Variants in TMED3 observed in about 807,000 individuals in gnomAD.
TMED3 encodes transmembrane emp24 domain-containing protein 3.
TMED3 carries 9 observed loss-of-function variants against 15.0 expected under a neutral mutation model. The observed-to-expected ratio is 0.60, with a 90% CI of 0.36 to 1.04. The LOEUF (loss-of-function observed/expected upper bound fraction) is 1.04. TMED3 is among the 50% of genes least tolerant of loss of function. The pLI, the probability that TMED3 is intolerant of heterozygous loss-of-function variation, is 0.01. For synonymous variants in TMED3, 117 were observed against 121.4 expected (o/e 0.96, Z 0.24); for missense variants, 267 against 278.9 (o/e 0.96, Z 0.30).
chr15:79,340,864 A>G (rs1005598594), intron 2 of TMED3, among the ~76,000 whole-genome samples: 1 of 152,212 alleles, frequency 6.6e-6, no homozygotes, highest in East Asian at 1.9e-4. Flanking sequence ...TACTAGCTTA[A>G]GGTAGAGTGT....
chr15:79,394,053 G>C (rs922090131), intron 2 of TMED3, among the ~76,000 whole-genome samples: 1 of 152,096 alleles, frequency 6.6e-6, no homozygotes, highest in Non-Finnish European at 1.5e-5. Context: ...ATGGATGTAG[G>C]CCTCATTCTG....
intron 2 of TMED3, among the ~76,000 whole-genome samples, chr15:79,363,622 T>C (rs886561783): frequency 6.6e-6 from 1 of 152,036 alleles, no homozygotes; most frequent in Non-Finnish European, 1.5e-5. Flanking sequence ...CCCTATTTGA[T>C]GATATATAAT....
intron 2 of TMED3, among the ~76,000 whole-genome samples, chr15:79,361,855 C>T (rs536452851): frequency 6.6e-6 from 1 of 152,020 alleles, no homozygotes; most frequent in East Asian, 1.9e-4. Flanking sequence ...CGGAATGTGT[C>T]CATTTATAAA....
intron 2 of TMED3, among the ~76,000 whole-genome samples, chr15:79,382,658 C>A (rs1367646208): frequency 6.6e-6 from 1 of 152,176 alleles, no homozygotes; most frequent in Non-Finnish European, 1.5e-5. Context: ...AAGTTCACTA[C>A]CTCTACCCTC....
chr15:79,336,644 C>T (rs887218770), intron 2 of TMED3, among the ~76,000 whole-genome samples: 2 of 151,984 alleles, frequency 1.3e-5, no homozygotes, highest in African/African-American at 4.8e-5. Context: ...GAGCCAAGAT[C>T]ACACCACTGT....
At chr15:79,380,363 TAGAG>T (rs888078834) in intron 2 of TMED3, among the ~76,000 whole-genome samples, 2 of 149,074 alleles carry the variant, frequency 1.3e-5, no homozygotes, top group Non-Finnish European at 3.0e-5. Context: ...TATATATATA[TAGAG>T]AGAGTTATAC....
chr15:79,331,336 GA>G (rs2058807330), intron 2 of TMED3, among the ~76,000 whole-genome samples: 1 of 152,066 alleles, frequency 6.6e-6, no homozygotes, highest in Admixed American at 6.6e-5. Context: ...AAATGGTGCT[GA>G]AAAAACTGAA....
intron 2 of TMED3, among the ~76,000 whole-genome samples, chr15:79,314,853 C>T (rs1475432241): frequency 1.3e-5 from 2 of 152,212 alleles, no homozygotes; most frequent in African/African-American, 2.4e-5. Context: ...TTAAGCCCCT[C>T]CTTCCCTTTC....
intron 2 of TMED3, among the ~76,000 whole-genome samples, chr15:79,317,289 T>C (rs1386429038): frequency 6.6e-6 from 1 of 152,226 alleles, no homozygotes; most frequent in East Asian, 1.9e-4. Context: ...ATCTGACTCA[T>C]CCTCTGTCTT....
chr15:79,314,076 G>T (rs1304822259), intron 2 of TMED3, 71 bp downstream of exon 2: 8 of 1,568,612 alleles, frequency 5.1e-6, no homozygotes, highest in South Asian at 1.2e-5. Flanking sequence ...CTCTGTCTAG[G>T]CTGGTGGTGG....
At chr15:79,406,843 A>G (rs77359784) in intron 2 of TMED3, among the ~76,000 whole-genome samples, 3,348 of 152,292 alleles carry the variant, frequency 0.022, 125 homozygotes, top group African/African-American at 0.076. Context: ...ATGTTAACAC[A>G]TCTTTCTCGT....
intron 2 of TMED3, among the ~76,000 whole-genome samples, chr15:79,408,493 A>G (rs928738706): frequency 6.6e-6 from 1 of 152,218 alleles, no homozygotes; most frequent in African/African-American, 2.4e-5. Context: ...AGGTATTTTA[A>G]TGACATCATT....
chr15:79,345,328 T>C (rs2058866398), intron 2 of TMED3, among the ~76,000 whole-genome samples: 1 of 152,124 alleles, frequency 6.6e-6, no homozygotes, highest in African/African-American at 2.4e-5. Flanking sequence ...TAGGCCATAG[T>C]GTGTTGTTCC....
chr15:79,382,982 A>G, intron 2 of TMED3: 1 of 1,535,440 alleles, frequency 6.5e-7, no homozygotes. Context: ...CCAGTGCTTC[A>G]CCAACACCAA....
intron 2 of TMED3, among the ~76,000 whole-genome samples, chr15:79,356,878 A>T (rs2058921365): frequency 1.3e-5 from 2 of 152,196 alleles, no homozygotes; most frequent in African/African-American, 2.4e-5. Context: ...ATAAGGTAAG[A>T]TATGCAACAC....
chr15:79,320,628 A>G (rs1337330869), intron 2 of TMED3, among the ~76,000 whole-genome samples: 1 of 152,096 alleles, frequency 6.6e-6, no homozygotes, highest in Non-Finnish European at 1.5e-5. Context: ...TAGCCTGAGA[A>G]CTCACTGATA....
chr15:79,356,734 C>T (rs1418738036), intron 2 of TMED3, among the ~76,000 whole-genome samples: 1 of 152,196 alleles, frequency 6.6e-6, no homozygotes, highest in Non-Finnish European at 1.5e-5. Flanking sequence ...TCCCCTTTAA[C>T]TTGCATTTTT....
intron 2 of TMED3, among the ~76,000 whole-genome samples, chr15:79,343,594 A>G (rs1270696631): frequency 6.6e-6 from 1 of 152,120 alleles, no homozygotes; most frequent in Non-Finnish European, 1.5e-5. Flanking sequence ...TTATATTTCA[A>G]AGGGTCACTA....
chr15:79,344,990 T>G (rs921635903), intron 2 of TMED3, among the ~76,000 whole-genome samples: 2 of 152,068 alleles, frequency 1.3e-5, no homozygotes, highest in Middle Eastern at 3.2e-3. Context: ...TTAATGGAAA[T>G]GCTCACAGAA....
Sources: allele counts gnomAD v4.1 joint callset (sites outside exome capture counted in the v4.1 genomes callset), GRCh38; gene constraint gnomAD v4.1.1; transcripts MANE v1.5; gene names NCBI Gene and HGNC (gene_info 2026-07-23, HGNC 2026-07-21).